Variants in SEM1 observed in about 807,000 individuals in gnomAD.
SEM1 encodes the protein SEM1 26S proteasome subunit, also known as 26S proteasome complex subunit SEM1.
SEM1 carries 3 observed loss-of-function variants against 12.7 expected under a neutral mutation model. The observed-to-expected ratio is 0.24, with a 90% CI of 0.11 to 0.61. The LOEUF (loss-of-function observed/expected upper bound fraction) is 0.61, where lower values mean the gene tolerates loss of function less well. Among genes scored for constraint, SEM1 ranks in the 20% least tolerant of loss-of-function variants. The pLI, the probability that SEM1 is intolerant of heterozygous loss-of-function variation, is 0.88. For missense variants in SEM1, 59 were observed against 81.3 expected, an observed-to-expected ratio of 0.73 and a Z score of 1.06; for synonymous variants, 30 against 27.8, an observed-to-expected ratio of 1.08 and a Z score of -0.25.
chr7:96,682,704 G>C (rs1373389540), intron 2 of SEM1, among the ~76,000 whole-genome samples: 1 of 151,988 alleles, frequency 6.6e-6, no homozygotes, highest in East Asian at 1.9e-4. Flanking sequence ...CTTCTGCACA[G>C]CAAAAGAAAC....
intron 2 of SEM1, among the ~76,000 whole-genome samples, chr7:96,602,081 G>A (rs894488641): frequency 1.3e-5 from 2 of 152,200 alleles, no homozygotes; most frequent in Non-Finnish European, 2.9e-5. Flanking sequence ...CATTAACAAT[G>A]TCTGTTGGAC....
chr7:96,658,398 A>G (rs1240003208), intron 2 of SEM1, among the ~76,000 whole-genome samples: 1 of 152,200 alleles, frequency 6.6e-6, no homozygotes, highest in Non-Finnish European at 1.5e-5. Context: ...AAAAGGCTGA[A>G]CATCCCTGGC....
At chr7:96,709,666 G>A in intron 1 of SEM1, 22 bp downstream of exon 1, 1 of 1,611,934 alleles carries the variant, frequency 6.2e-7, no homozygotes, top group South Asian at 1.1e-5. Context: ...GCGCGACACA[G>A]AAACCGGGGC....
chr7:96,575,416 G>T lies in SEM1; in HGVS notation c.171-68718C>A, dbSNP rs567530523. Among the ~76,000 whole-genome samples, 4 of 152,286 alleles carry T rather than the reference G, an allele frequency of 2.6e-5. 1 individual carries two copies. In the East Asian group the frequency reaches 7.7e-4, roughly 29 times the overall value. Reference sequence around the variant, plus strand: ...AGGTGTCTGTTGACCCCTGCTGGGAGGTGTCTCCCAGACAGGAGGCATGGG... The same window carrying T: ...AGGTGTCTGTTGACCCCTGCTGGGATGTGTCTCCCAGACAGGAGGCATGGG... On this transcript the variant is annotated intron_variant and NMD_transcript_variant, in intron 2 of 3. Coordinates refer to the SEM1 transcript ENST00000466986.
In SEM1 at chr7:96,708,712, G is replaced by A. The variant is rs933960288; in HGVS notation, c.76+976C>T. On this transcript the variant is annotated intron_variant, in intron 1 of 2. Transcript: ENST00000248566. ...AATCAGGCCAGGTTTCCCAGTTCCA[G>A]TTCTATTATTTCTAACTAGTTATGA... Among the ~76,000 whole-genome samples, 6 of 152,216 alleles carry A rather than the reference G, an allele frequency of 3.9e-5. No individual in the cohort carries two copies. In the South Asian group the frequency reaches 8.3e-4, roughly 21 times the overall value.
chr7:96,707,576 C>CTTGT (rs2116068000), intron 1 of SEM1, among the ~76,000 whole-genome samples: 1 of 152,322 alleles, frequency 6.6e-6, no homozygotes, highest in South Asian at 2.1e-4. Context: ...TGGTCAATTA[C>CTTGT]TTAATGTTAA....
At chr7:96,578,308 C>G (rs529282662) in intron 2 of SEM1, among the ~76,000 whole-genome samples, 1 of 150,884 alleles carries the variant, frequency 6.6e-6, no homozygotes, top group African/African-American at 2.4e-5. Context: ...CATTTAGATA[C>G]GCAATGAAAC....
chr7:96,596,399 G>A (rs1003049722), intron 2 of SEM1, among the ~76,000 whole-genome samples: 4 of 152,166 alleles, frequency 2.6e-5, no homozygotes, highest in African/African-American at 9.7e-5. Flanking sequence ...AGAAGCAAAT[G>A]ACAAGAAGCA....
intron 2 of SEM1, among the ~76,000 whole-genome samples, chr7:96,579,979 A>T (rs1482747995): frequency 6.6e-6 from 1 of 151,302 alleles, no homozygotes; most frequent in Non-Finnish European, 1.5e-5. Context: ...TTTATTTATT[A>T]TTATTATACT....
intron 2 of SEM1, among the ~76,000 whole-genome samples, chr7:96,557,275 TAG>T (rs1467249770): frequency 6.8e-6 from 1 of 147,692 alleles, no homozygotes; most frequent in Non-Finnish European, 1.5e-5. Flanking sequence ...CTCTGCTTTT[TAG>T]AGTTTCCAGT....
chr7:96,534,753 T>C (rs1399954104), intron 2 of SEM1, among the ~76,000 whole-genome samples: 1 of 152,068 alleles, frequency 6.6e-6, no homozygotes, highest in Non-Finnish European at 1.5e-5. Context: ...AGAATCCACT[T>C]ACCTTGTATT....
intron 2 of SEM1, among the ~76,000 whole-genome samples, chr7:96,639,314 A>AC (rs1293283145): frequency 2.0e-5 from 3 of 152,008 alleles, no homozygotes; most frequent in African/African-American, 7.2e-5. Flanking sequence ...GAGGACAAAC[A>AC]CTAGCCAGCT....
intron 2 of SEM1, chr7:96,649,183 A>T (rs1281087454): frequency 6.6e-6 from 1 of 152,248 alleles, no homozygotes; most frequent in Admixed American, 6.5e-5. Flanking sequence ...AGGTGAATGG[A>T]AATTCAGCAG....
At chr7:96,684,019 G>A (rs999990596), downstream of SEM1, among the ~76,000 whole-genome samples, 1 of 151,974 alleles carries the variant, frequency 6.6e-6, no homozygotes, top group Non-Finnish European at 1.5e-5. Context: ...AGAACTTAAA[G>A]TATAATTAAA....
intron 2 of SEM1, among the ~76,000 whole-genome samples, chr7:96,583,088 TGCTTTCTCTTGTGG>T (rs1295873225): frequency 1.3e-5 from 2 of 152,134 alleles, no homozygotes; most frequent in Non-Finnish European, 2.9e-5. Context: ...GGATCTTTCC[TGCTTTCTCTTGTGG>T]GCATTTAGTG....
chr7:96,632,063 G>C (rs538092662), intron 2 of SEM1, among the ~76,000 whole-genome samples: 175 of 152,322 alleles, frequency 1.1e-3, no homozygotes, highest in South Asian at 5.0e-3. Context: ...AACAGATGCT[G>C]GAGGGGATGT....
chr7:96,671,751 C>T (rs1284355681), downstream of SEM1, among the ~76,000 whole-genome samples: 2 of 152,154 alleles, frequency 1.3e-5, no homozygotes, highest in African/African-American at 2.4e-5. Flanking sequence ...TAAGACATTG[C>T]GGAGCATGCC....
intron 2 of SEM1, among the ~76,000 whole-genome samples, chr7:96,580,292 C>T (rs1186247119): frequency 8.1e-5 from 12 of 147,912 alleles, no homozygotes; most frequent in South Asian, 4.4e-4. Flanking sequence ...CTACAAAGGA[C>T]ATGAACTCAT....
At chr7:96,577,132 A>C (rs1479525679) in intron 2 of SEM1, among the ~76,000 whole-genome samples, 1 of 151,586 alleles carries the variant, frequency 6.6e-6, no homozygotes, top group Non-Finnish European at 1.5e-5. Flanking sequence ...AAAAAAATGG[A>C]TACAATATTT....
Sources: allele counts gnomAD v4.1 joint callset (sites outside exome capture counted in the v4.1 genomes callset), GRCh38; gene constraint gnomAD v4.1.1; transcripts MANE v1.5; gene names NCBI Gene and HGNC (gene_info 2026-07-23, HGNC 2026-07-21).